Variants in MTCH2 observed in about 807,000 individuals in gnomAD.
The protein encoded by MTCH2 is mitochondrial carrier 2.
MTCH2 carries 25 observed loss-of-function variants against 50.6 expected under a neutral mutation model. The observed-to-expected ratio is 0.49, with a 90% CI of 0.36 to 0.69. MTCH2 has a LOEUF of 0.69. Among genes scored for constraint, MTCH2 ranks in the 30% least tolerant of loss-of-function variants. The pLI is 0.00. For synonymous variants in MTCH2, 106 were observed against 132.0 expected, an observed-to-expected ratio of 0.80 and a Z score of 1.35; for missense variants, 273 against 384.4, an observed-to-expected ratio of 0.71 and a Z score of 2.42.
At chr11:47,625,077 G>C (rs1284895153) in intron 11 of MTCH2, among the ~76,000 whole-genome samples, 1 of 151,284 alleles carries the variant, frequency 6.6e-6, no homozygotes, top group Non-Finnish European at 1.5e-5. Context: ...GACAGAGTGA[G>C]ATTCTGTCTC....
At chr11:47,626,293 G>A (rs2097298103) in intron 10 of MTCH2, among the ~76,000 whole-genome samples, 1 of 150,620 alleles carries the variant, frequency 6.6e-6, no homozygotes, top group African/African-American at 2.4e-5. Context: ...CTCCCAAAGT[G>A]CTGGGATTAC....
the MTCH2 span, among the ~76,000 whole-genome samples, chr11:47,607,448 G>C: frequency 6.6e-6 from 1 of 152,162 alleles, no homozygotes; most frequent in Non-Finnish European, 1.5e-5. Context: ...AAGAGTGTGG[G>C]GGCGGAGGAC....
At chr11:47,627,819 A>G (rs907210460) in intron 9 of MTCH2, among the ~76,000 whole-genome samples, 6 of 152,142 alleles carry the variant, frequency 3.9e-5, no homozygotes, top group African/African-American at 1.2e-4. Context: ...AAACCATAAA[A>G]CACTGATTAT....
chr11:47,614,923 G>A (rs558315647), downstream of MTCH2, among the ~76,000 whole-genome samples: 16 of 150,848 alleles, frequency 1.1e-4, no homozygotes, highest in African/African-American at 9.7e-5. Flanking sequence ...GCAGTGGAAA[G>A]GGAGAAGGAA....
At chr11:47,628,288 A>G (rs1055294534) in intron 9 of MTCH2, among the ~76,000 whole-genome samples, 7 of 152,158 alleles carry the variant, frequency 4.6e-5, no homozygotes, top group Non-Finnish European at 8.8e-5. Context: ...AGATTAGATG[A>G]AAAGCCCCCG....
intron 3 of MTCH2, among the ~76,000 whole-genome samples, chr11:47,637,651 C>T (rs2097309962): frequency 6.6e-6 from 1 of 152,058 alleles, no homozygotes; most frequent in Non-Finnish European, 1.5e-5. Flanking sequence ...TCTTGTGTAA[C>T]CACCAGTTTT....
chr11:47,634,832 G>C, intron 4 of MTCH2, 98 bp from the exon 5 acceptor site: 1 of 766,448 alleles, frequency 1.3e-6, no homozygotes, highest in Non-Finnish European at 2.0e-6. Flanking sequence ...GAGTGCAGTG[G>C]CACAATCTCG....
chr11:47,618,658 G>GT lies in MTCH2; in HGVS notation c.*174dup, dbSNP rs1248425759. On this transcript the variant is annotated 3_prime_UTR_variant, in exon 13 of 13. Transcript: ENST00000302503. ...AATAACTAAAGGGGGAGTATCAGTG[G>GT]TAAGTTATGTTGTGCTGGAAAAAAG... is the stretch of plus-strand genomic sequence containing the variant. 7 of 539,516 alleles carry GT rather than the reference G, an allele frequency of 1.3e-5. No individual in the cohort carries two copies. The highest frequency in any genetic ancestry group is 3.2e-6 in the Non-Finnish European group (1 of 314,558). The allele number at this position is 539,516 out of a possible 1,614,324, so 33.4% of individuals were successfully genotyped here. A position where few individuals can be genotyped will look rare whatever the true frequency, so the allele number is the denominator to read the frequency against.
intron 1 of MTCH2, among the ~76,000 whole-genome samples, chr11:47,639,357 G>C (rs141403391): frequency 6.6e-6 from 1 of 152,178 alleles, no homozygotes; most frequent in Non-Finnish European, 1.5e-5. Flanking sequence ...AGTTTACTAA[G>C]GGGGCTCAAA....
intron 12 of MTCH2, among the ~76,000 whole-genome samples, chr11:47,622,353 T>A (rs1160525356): frequency 6.6e-6 from 1 of 151,978 alleles, no homozygotes; most frequent in Non-Finnish European, 1.5e-5. Flanking sequence ...AAAGGTGAGT[T>A]TGGGGGAAAA....
At chr11:47,629,866 T>TA (rs1396539734) in intron 8 of MTCH2, among the ~76,000 whole-genome samples, 1 of 152,014 alleles carries the variant, frequency 6.6e-6, no homozygotes, top group Non-Finnish European at 1.5e-5. Flanking sequence ...TGCAAAAACT[T>TA]ACTCTTTTAC....
Position 47,627,146 on chromosome 11 carries a change from CT to C in MTCH2, c.634-20del. On this transcript the variant is annotated intron_variant, in intron 9 of 12. Transcript: ENST00000302503. Reference sequence around the variant, plus strand: ...TAGAAACCTAAAATAGGAAAAGAGCCTTAAATTAATTACCTACAACACTACA... The same window carrying C: ...TAGAAACCTAAAATAGGAAAAGAGCCTAAATTAATTACCTACAACACTACA... The C allele has an allele frequency of 1.3e-6, 2 of 1,547,854 alleles. No individual in the cohort carries two copies. Among genetic ancestry groups the C allele is most frequent in the Middle Eastern group, 1.7e-4 (1 of 5,880 alleles).
At chr11:47,625,450 T>TAATA (rs1193119767) in intron 11 of MTCH2, among the ~76,000 whole-genome samples, 6 of 150,480 alleles carry the variant, frequency 4.0e-5, no homozygotes, top group African/African-American at 1.5e-4. Flanking sequence ...TAATAATAAT[T>TAATA]AATAAATAAA....
chr11:47,613,030 T>C (rs938150244), downstream of MTCH2, among the ~76,000 whole-genome samples: 7 of 151,860 alleles, frequency 4.6e-5, no homozygotes, highest in Non-Finnish European at 8.8e-5. Context: ...GCCTCCCAAG[T>C]AGCTGGGACT....
chr11:47,616,526 T>C (rs1017425752), downstream of MTCH2, among the ~76,000 whole-genome samples: 2 of 150,600 alleles, frequency 1.3e-5, no homozygotes, highest in African/African-American at 4.9e-5. Context: ...TTTTAGTAGA[T>C]ATATTGGCCA....
intron 12 of MTCH2, among the ~76,000 whole-genome samples, chr11:47,620,754 T>C (rs761755404): frequency 1.3e-5 from 2 of 152,232 alleles, no homozygotes; most frequent in Non-Finnish European, 2.9e-5. Context: ...ATATAGGCCA[T>C]GTGACCTTGC....
intron 8 of MTCH2, 134 bp from the exon 9 acceptor site, chr11:47,629,180 A>C (rs1464573170): frequency 5.6e-6 from 4 of 714,530 alleles, no homozygotes; most frequent in Non-Finnish European, 9.5e-6. Flanking sequence ...ATCAAACACC[A>C]GAATCCAGCC....
At chr11:47,609,033 G>A in the MTCH2 span, among the ~76,000 whole-genome samples, 3 of 142,686 alleles carry the variant, frequency 2.1e-5, no homozygotes, top group African/African-American at 7.8e-5. Context: ...GCTGAGGCAG[G>A]AGAATCCTTG....
Position 47,636,763 on chromosome 11 carries a change from G to A in MTCH2, c.280-1192C>T, listed in dbSNP as rs181062448. Among the ~76,000 whole-genome samples the A allele has an allele frequency of 1.0e-3, 152 of 151,548 alleles. 1 individual carries two copies. Among genetic ancestry groups the A allele is most frequent in the Admixed American group, 2.8e-3 (43 of 15,176 alleles). The stretch of plus-strand genomic sequence containing the variant: ...AAAACAACAAAAAAACCCAAAAAAC[G>A]AAAAGGGAACATGCGCAGTGACTCA... On this transcript the variant is annotated intron_variant, in intron 3 of 12. Coordinates refer to ENST00000302503, the MANE Select transcript of MTCH2 (RefSeq NM_014342.4).
Sources: gnomAD v4.1 joint callset for allele counts (sites outside exome capture counted in the v4.1 genomes callset) on GRCh38, gnomAD v4.1.1 for gene constraint, MANE v1.5 for transcripts, NCBI Gene and HGNC (gene_info 2026-07-23, HGNC 2026-07-21) for gene names.